The following FGF13 variants were observed in gnomAD, a reference collection of about 807,000 sequenced individuals.
The protein encoded by FGF13 is fibroblast growth factor 13, also known as fibroblast growth factor homologous factor 2.
In FGF13, 2 loss-of-function variants were observed where a neutral mutation model predicts 19.5. The observed-to-expected ratio is 0.10, with a 90% CI of 0.04 to 0.32. The LOEUF (loss-of-function observed/expected upper bound fraction) is 0.32, where lower values mean the gene tolerates loss of function less well. Among genes scored for constraint, FGF13 ranks in the 10% least tolerant of loss-of-function variants. The pLI is 1.00. For missense variants in FGF13, 113 were observed against 192.7 expected, an observed-to-expected ratio of 0.59 and a Z score of 2.45; for synonymous variants, 72 against 76.9, an observed-to-expected ratio of 0.94 and a Z score of 0.33.
At chrX:139,150,103 G>A (rs924061528) in intron 1 of FGF13, among the ~76,000 whole-genome samples, 6 of 111,526 alleles carry the variant, frequency 5.4e-5, no homozygotes, top group African/African-American at 2.0e-4. Context: ...CCAAATGAGA[G>A]GGAGGACAGT....
downstream of FGF13, among the ~76,000 whole-genome samples, chrX:138,853,994 G>A (rs183292987): frequency 8.8e-4 from 98 of 111,496 alleles, no homozygotes; most frequent in African/African-American, 3.2e-3. Context: ...ATTTCATTTT[G>A]GCACAAATGC....
At chrX:139,056,982 C>A (rs887394548) in intron 1 of FGF13, among the ~76,000 whole-genome samples, 4 of 111,690 alleles carry the variant, frequency 3.6e-5, no homozygotes, top group Non-Finnish European at 7.5e-5. Flanking sequence ...ACAGAAAGAA[C>A]CATGGACTAA....
intron 1 of FGF13, among the ~76,000 whole-genome samples, chrX:138,875,372 G>T (rs1048848383): frequency 3.6e-5 from 4 of 111,811 alleles, no homozygotes; most frequent in African/African-American, 1.3e-4. Flanking sequence ...ACAGATGCAG[G>T]AAACAGCCTG....
chrX:139,020,347 A>C (rs1291072045), intron 1 of FGF13, among the ~76,000 whole-genome samples: 1 of 111,329 alleles, frequency 9.0e-6, no homozygotes, highest in Non-Finnish European at 1.9e-5. Flanking sequence ...TCAATGTGGC[A>C]GCAACACAGC....
intron 1 of FGF13, among the ~76,000 whole-genome samples, chrX:138,951,603 G>A (rs1163527336): frequency 9.0e-6 from 1 of 111,291 alleles, no homozygotes; most frequent in Non-Finnish European, 1.9e-5. Context: ...GCTTCACAAA[G>A]CAAGATATAT....
At chrX:138,635,718 T>C in intron 3 of FGF13, 63 bp from the exon 4 acceptor site, 1 of 906,810 alleles carries the variant, frequency 1.1e-6, no homozygotes, top group African/African-American at 1.9e-5. Context: ...TGTAGAATCA[T>C]GTGGTATTGC....
chrX:138,845,071 A>G (rs2091172468), intron 3 of FGF13, among the ~76,000 whole-genome samples: 1 of 111,810 alleles, frequency 8.9e-6, no homozygotes, highest in African/African-American at 3.2e-5. Flanking sequence ...TGAGCCCAGG[A>G]AGGATAAGCA....
At chrX:139,164,475 T>G (rs2084063003) in intron 1 of FGF13, among the ~76,000 whole-genome samples, 2 of 110,752 alleles carry the variant, frequency 1.8e-5, no homozygotes, top group Non-Finnish European at 3.8e-5. Flanking sequence ...GTGGATCACT[T>G]AAGCCCAGGA....
chrX:138,860,194 T>C lies in FGF13; in HGVS notation c.-38-2515A>G, dbSNP rs143380606. On this transcript the variant is annotated intron_variant, in intron 2 of 2. Coordinates refer to the FGF13 transcript ENST00000421460. ...TCTCTTTAATTTGAGATATTTTGGA[T>C]GGAAAATTAAAACTGTTATATCAAA... Among the ~76,000 whole-genome samples the C allele has an allele frequency of 3.8e-4, 42 of 111,705 alleles. 1 individual carries two copies. The highest frequency in any genetic ancestry group is 2.3e-3 in the Admixed American group (24 of 10,485).
chrX:138,930,014 C>T (rs1218616267), intron 1 of FGF13, among the ~76,000 whole-genome samples: 3 of 111,009 alleles, frequency 2.7e-5, no homozygotes, highest in African/African-American at 9.8e-5. Context: ...TAAAGATTTG[C>T]CTAAAAAGCG....
In FGF13 at chrX:138,940,965, T is replaced by C. The variant is rs535715466; in HGVS notation, c.-112-76315A>G. Among the ~76,000 whole-genome samples, 61 of 111,803 alleles carry C rather than the reference T, an allele frequency of 5.5e-4. No individual in the cohort carries two copies. In the South Asian group the frequency reaches 8.6e-3, roughly 16 times the overall value. ...GAGTTGTAATTGTGAATAATGTCAT[T>C]GTTTTATCTCAACGCATGCAGAGAA... On this transcript the variant is annotated intron_variant, in intron 1 of 2. Coordinates refer to the FGF13 transcript ENST00000421460.
At chrX:139,056,172 C>T (rs1894014020) in intron 1 of FGF13, among the ~76,000 whole-genome samples, 1 of 112,474 alleles carries the variant, frequency 8.9e-6, no homozygotes, top group Non-Finnish European at 1.9e-5. Flanking sequence ...ATATAAGGAA[C>T]ACCTACTAGT....
intron 2 of FGF13, among the ~76,000 whole-genome samples, chrX:138,708,438 C>G (rs1371111717): frequency 8.9e-6 from 1 of 111,817 alleles, no homozygotes; most frequent in Non-Finnish European, 1.9e-5. Context: ...TGGTATGAAA[C>G]CACTCCTCTC....
chrX:139,104,750 G>A (rs2083545860), intron 1 of FGF13, among the ~76,000 whole-genome samples: 1 of 110,887 alleles, frequency 9.0e-6, no homozygotes, highest in South Asian at 3.8e-4. Context: ...TGAAGGAAAG[G>A]CAGGGAGCTA....
chrX:138,768,701 TTATATATATATATATAA>T (rs2090520427), intron 3 of FGF13, among the ~76,000 whole-genome samples: 3 of 98,750 alleles, frequency 3.0e-5, no homozygotes, highest in Non-Finnish European at 6.0e-5. Flanking sequence ...TAAGTATATA[TTATATATATATATATAA>T]GTATATATTA....
chrX:139,007,344 T>C (rs2092106806), intron 1 of FGF13, among the ~76,000 whole-genome samples: 1 of 111,154 alleles, frequency 9.0e-6, no homozygotes, highest in Non-Finnish European at 1.9e-5. Flanking sequence ...CACCCAGATA[T>C]ATAAAGCAAA....
At chrX:139,029,036 A>G in intron 1 of FGF13, among the ~76,000 whole-genome samples, 1 of 111,016 alleles carries the variant, frequency 9.0e-6, no homozygotes. Context: ...TTTTCTCTCA[A>G]AGTCTCAAAT....
intron 1 of FGF13, among the ~76,000 whole-genome samples, chrX:139,091,969 C>T (rs183206217): frequency 6.7e-4 from 74 of 110,402 alleles, no homozygotes; most frequent in African/African-American, 2.1e-3. Flanking sequence ...AGGTACCTGG[C>T]ACCACTTTAT....
chrX:139,052,909 T>C (rs1304171645), intron 1 of FGF13, among the ~76,000 whole-genome samples: 1 of 111,284 alleles, frequency 9.0e-6, no homozygotes, highest in East Asian at 2.8e-4. Flanking sequence ...GTTACATGAG[T>C]AAGGTCTTCA....
Sources: allele counts gnomAD v4.1 joint callset (sites outside exome capture counted in the v4.1 genomes callset), GRCh38; gene constraint gnomAD v4.1.1; transcripts MANE v1.5; gene names NCBI Gene and HGNC (gene_info 2026-07-23, HGNC 2026-07-21).